IRF5: variants seen among roughly 807,000 people sequenced by gnomAD.
IRF5 encodes interferon regulatory factor 5.
IRF5 carries 24 observed loss-of-function variants against 55.1 expected under a neutral mutation model. The observed-to-expected ratio is 0.44, with a 90% CI of 0.32 to 0.61. The LOEUF (loss-of-function observed/expected upper bound fraction) is 0.61, where lower values mean the gene tolerates loss of function less well. Ranked by LOEUF, IRF5 falls within the 20% of genes least tolerant of loss-of-function variation. The probability of loss-of-function intolerance (pLI) is 0.07; values close to 1 mark genes in which losing one functional copy is unlikely to be tolerated. For missense variants in IRF5, 499 were observed against 658.5 expected (o/e 0.76, Z 2.65); for synonymous variants, 258 against 260.2 (o/e 0.99, Z 0.08).
chr7:128,942,081 C>A lies in IRF5; in HGVS notation c.-1C>A. The A allele has an allele frequency of 6.2e-7, 1 of 1,603,980 alleles. No individual in the cohort carries two copies. The highest frequency in any genetic ancestry group is 1.1e-5 in the South Asian group (1 of 89,758). ...GGCTTTCTCCTGCAGACCCCTCTGC[C>A]ATGAACCAGTCCATCCCAGTGGCTC... is the stretch of plus-strand genomic sequence containing the variant. On this transcript the variant is annotated 5_prime_UTR_variant, in exon 2 of 9. Coordinates refer to ENST00000357234, the MANE Select transcript of IRF5 (RefSeq NM_001098629.3).
chr7:128,947,964 C>T lies in IRF5; in HGVS notation c.1023C>T (p.Leu341=), dbSNP rs1185925365. 8.7e-6 allele frequency: 14 copies of T among 1,614,172 alleles called. No individual in the cohort carries two copies. The highest frequency in any genetic ancestry group is 1.2e-5 in the Non-Finnish European group (14 of 1,180,032). The change falls in exon 7 of 9, where the codon CTC becomes CTT. Residue 341 remains leucine, a synonymous_variant. Transcript: ENST00000357234. This position sits in a 1 kb window ranked among gnomAD's most constrained non-coding sequence, Gnocchi z 6.5. ...TGCTGGATGTCCTGGACCGCGGGCTCATCCTCCAGCTACAGGGCCAGGACC... is the reference window on the plus strand; with the variant it reads ...TGCTGGATGTCCTGGACCGCGGGCTTATCCTCCAGCTACAGGGCCAGGACC... The part of the protein sequence containing the change: ...NQLLDVLDRG[L]ILQLQGQDLY...
At position 128,948,476 on chromosome 7, in the gene IRF5, C is replaced by T. The variant is rs897272333; in HGVS notation, c.1300-97C>T. On this transcript the variant is annotated intron_variant, in intron 8 of 8. Transcript: ENST00000357234. This position sits in a 1 kb window ranked among gnomAD's most constrained non-coding sequence, Gnocchi z 4.6. ...CATCAAGGCTCAGAGCCGGAGAATG[C>T]GGTCTATTACTCACCCCTGATGGCT... 7.9e-6 allele frequency: 12 copies of T among 1,520,328 alleles called. No homozygotes were observed. Among genetic ancestry groups the T allele is most frequent in the Middle Eastern group, 1.8e-4 (1 of 5,704 alleles). 94.2% of individuals were successfully genotyped at this position (1,520,328 alleles called of 1,614,324 possible).
Position 128,948,153 on chromosome 7 carries a change from G to A in IRF5, c.1180+32G>A. 1 of 1,611,704 alleles carries A rather than the reference G, an allele frequency of 6.2e-7. No individual in the cohort carries two copies. The highest frequency in any genetic ancestry group is 8.5e-7 in the Non-Finnish European group (1 of 1,178,174). On this transcript the variant is annotated intron_variant, in intron 7 of 8. Coordinates refer to ENST00000357234, the MANE Select transcript of IRF5 (RefSeq NM_001098629.3). This position sits in a 1 kb window ranked among gnomAD's most constrained non-coding sequence, Gnocchi z 4.6. ...GCCCAAAGCTGTGATCCTCCTGGCT[G>A]CCTCTTGCCCAGGGCATGGTTCCAG...
chr7:128,946,428 C>T lies in IRF5; in HGVS notation c.386-73C>T, dbSNP rs80269234. The T allele has an allele frequency of 9.1e-3, 14,068 of 1,538,656 alleles. 1,047 individuals carry two copies. In the African/African-American group the frequency reaches 0.17, roughly 18 times the overall value. Reference sequence around the variant, plus strand: ...GAAGCTGCATAGGAGCTACAGGCAGCCTCTCAGGGGATCTTGCTTCTCCTC... The same window carrying T: ...GAAGCTGCATAGGAGCTACAGGCAGTCTCTCAGGGGATCTTGCTTCTCCTC... On this transcript the variant is annotated intron_variant, in intron 3 of 8. Transcript: ENST00000357234. The surrounding 1 kb of genome is among the most constrained non-coding windows in gnomAD (Gnocchi z 4.2).
rs1796348509 is a variant in IRF5, at chr7:128,947,150, G to A, written c.482-80G>A. ...AGGGGGCTGATGGGAGGCTAGGGTGGCCCAGGGCTGGGAGGAGGTGTGCCT... is the reference window on the plus strand; with the variant it reads ...AGGGGGCTGATGGGAGGCTAGGGTGACCCAGGGCTGGGAGGAGGTGTGCCT... On this transcript the variant is annotated intron_variant, in intron 5 of 8. Transcript: ENST00000357234. The surrounding 1 kb of genome is among the most constrained non-coding windows in gnomAD (Gnocchi z 6.5). 1 of 1,609,696 alleles carries A rather than the reference G, an allele frequency of 6.2e-7. No homozygotes were observed. The highest frequency in any genetic ancestry group is 8.5e-7 in the Non-Finnish European group (1 of 1,177,176).
rs1287246447 is a variant in IRF5 at position 128,949,830 on chromosome 7, TTC to T, written c.*1016_*1017del. The T allele has an allele frequency of 9.2e-5, 14 of 152,214 alleles. No homozygotes were observed. The highest frequency in any genetic ancestry group is 3.4e-4 in the African/African-American group (14 of 41,516). The allele number at this position is 152,214 out of a possible 1,614,324, so 9.4% of individuals were successfully genotyped here. On this transcript the variant is annotated 3_prime_UTR_variant, in exon 9 of 9. Transcript: ENST00000357234. ...CCCCGAGGTGGGGACAGTGAGTGAG[TTC>T]TCTTAGTCCCCCCAGAGCTGGTTGT...
rs1346593361 is a variant in IRF5, at chr7:128,946,529, T to C, written c.414T>C (p.Phe138=). Residue 138 remains phenylalanine (F), a synonymous_variant, in exon 4 of 9, where the codon TTT becomes TTC. Transcript: ENST00000357234. The surrounding 1 kb of genome is among the most constrained non-coding windows in gnomAD (Gnocchi z 4.2). Reference sequence around the variant, plus strand: ...CCCAGCCCCCTGAGGATTACTCTTTTGGTGCAGGAGAGGAGGAGGAAGAAG... The same window carrying C: ...CCCAGCCCCCTGAGGATTACTCTTTCGGTGCAGGAGAGGAGGAGGAAGAAG... ...TDSQPPEDYS[F]GAGEEEEEEE... is the part of the protein sequence containing the mutation. The C allele has an allele frequency of 3.7e-6, 6 of 1,608,246 alleles. No homozygotes were observed. In the African/African-American group the frequency reaches 8.0e-5, roughly 21 times the overall value.
chr7:128,944,266 G>T (rs866118266), intron 2 of IRF5, among the ~76,000 whole-genome samples: 2 of 152,248 alleles, frequency 1.3e-5, no homozygotes, highest in Middle Eastern at 6.8e-3. Context: ...AGATACTTGA[G>T]ATTGCTTTTA....
intron 1 of IRF5, 88 bp from the exon 2 acceptor site, chr7:128,941,983 C>T: frequency 1.0e-6 from 1 of 964,672 alleles, no homozygotes; most frequent in Non-Finnish European, 1.6e-6. Context: ...GAGAGACCAT[C>T]CTTTGTGGTC....
chr7:128,947,300 TC>T lies in IRF5; in HGVS notation c.553del (p.Leu185CysfsTer71). ...AAGAGGATGTCAAGTGGCCGCCCAC[TC>T]TGCAGCCGCCCACTCTGCGGCCGCC... ...LKEDVKWPPT[L>X]QPPTLRPPTL... On this transcript the variant is annotated frameshift_variant, in exon 6 of 9. Coordinates refer to ENST00000357234, the MANE Select transcript of IRF5 (RefSeq NM_001098629.3). LOFTEE classifies it high-confidence loss of function. The surrounding 1 kb of genome is among the most constrained non-coding windows in gnomAD (Gnocchi z 6.5). The T allele has an allele frequency of 2.4e-6, 1 of 414,008 alleles. No homozygotes were observed. The allele number at this position is 414,008 out of a possible 1,614,324, so 25.6% of individuals were successfully genotyped here.
chr7:128,939,560 C>A (rs1031198464), intron 1 of IRF5, among the ~76,000 whole-genome samples: 1 of 152,104 alleles, frequency 6.6e-6, no homozygotes, highest in Non-Finnish European at 1.5e-5. Context: ...CCAGACCAAC[C>A]CTGGGAGCAG....
At chr7:128,938,086 G>C (rs1307723540) in intron 1 of IRF5, 37 bp downstream of exon 1, 1 of 152,120 alleles carries the variant, frequency 6.6e-6, no homozygotes, top group East Asian at 1.9e-4. Flanking sequence ...CTCTGCGTCC[G>C]CGCCCGGCGC....
In IRF5 at chr7:128,947,194, G is replaced by A. The variant is rs772930583; in HGVS notation, c.482-36G>A. The A allele has an allele frequency of 2.5e-5, 40 of 1,598,884 alleles. No homozygotes were observed. Among genetic ancestry groups the A allele is most frequent in the South Asian group, 1.1e-5 (1 of 88,690 alleles). ...TGTGCCTGGGAGGCAGTTCGTGGAG[G>A]TGGCACTGACAGCCGTCCACACGCA... On this transcript the variant is annotated intron_variant, in intron 5 of 8. Transcript: ENST00000357234. The surrounding 1 kb of genome is among the most constrained non-coding windows in gnomAD (Gnocchi z 6.5).
At position 128,948,263 on chromosome 7, in the gene IRF5, T is replaced by A. The variant is rs576256045; in HGVS notation, c.1234T>A (p.Phe412Ile). The change falls in exon 8 of 9, where the codon TTC (phenylalanine) becomes ATC (isoleucine). Residue 412 changes from phenylalanine to isoleucine, a missense_variant. Physicochemically the swap from Phe to Ile is conservative, Grantham distance 21. Coordinates refer to ENST00000357234, the MANE Select transcript of IRF5 (RefSeq NM_001098629.3). The surrounding 1 kb of genome is among the most constrained non-coding windows in gnomAD (Gnocchi z 4.6). The part of the protein sequence containing the change: ...QTNTPPPFEI[F>I]FCFGEEWPDR... ...CAACACCCCACCACCCTTCGAGATC[T>A]TCTTCTGCTTTGGGGAAGAATGGCC... The A allele has an allele frequency of 4.3e-6, 7 of 1,613,856 alleles. No individual in the cohort carries two copies. The South Asian group carries it at 6.6e-5, about 15-fold the overall frequency.
At chr7:128,939,274 A>G (rs1223343916) in intron 1 of IRF5, among the ~76,000 whole-genome samples, 2 of 152,140 alleles carry the variant, frequency 1.3e-5, no homozygotes, top group African/African-American at 4.8e-5. Flanking sequence ...CAAGGGAAGC[A>G]CTGGGAAATC....
At position 128,948,207 on chromosome 7, in the gene IRF5, C is replaced by T. The variant is rs1489788146; in HGVS notation, c.1181-3C>T. The T allele has an allele frequency of 1.2e-6, 2 of 1,612,096 alleles. No homozygotes were observed. The highest frequency in any genetic ancestry group is 2.2e-5 in the East Asian group (1 of 44,880). On this transcript the variant is annotated splice_polypyrimidine_tract_variant and splice_region_variant and intron_variant, in intron 7 of 8. Coordinates refer to ENST00000357234, the MANE Select transcript of IRF5 (RefSeq NM_001098629.3). The surrounding 1 kb of genome is among the most constrained non-coding windows in gnomAD (Gnocchi z 4.6). ...CTGACTAGGGACCTTGATTTTGATG[C>T]AGAGCTCATCCTGTTCCAAAAGGGC...
intron 1 of IRF5, among the ~76,000 whole-genome samples, chr7:128,938,724 C>T (rs567028123): frequency 6.6e-6 from 1 of 152,264 alleles, no homozygotes; most frequent in Non-Finnish European, 1.5e-5. Context: ...GGGCTGGTTT[C>T]CTCAGGTCCT....
chr7:128,939,151 C>G (rs1171047547), intron 1 of IRF5, among the ~76,000 whole-genome samples: 1 of 151,930 alleles, frequency 6.6e-6, no homozygotes, highest in Admixed American at 6.6e-5. Flanking sequence ...TCGGCTGTAT[C>G]GATGTAGGAA....
rs1796490698 is a variant in IRF5 at position 128,949,068 on chromosome 7, C to T, written c.*250C>T. ...AATTCAGCCATGAGCAGGGAAAGAA[C>T]TCTCCCAACCCTGGGGCCTAGCTGT... On this transcript the variant is annotated 3_prime_UTR_variant, in exon 9 of 9. Transcript: ENST00000357234. 5.7e-6 allele frequency: 3 copies of T among 530,252 alleles called. No homozygotes were observed. Among genetic ancestry groups the T allele is most frequent in the Non-Finnish European group, 1.0e-5 (3 of 295,376 alleles). 32.8% of individuals were successfully genotyped at this position (530,252 alleles called of 1,614,324 possible).
Sources: allele counts gnomAD v4.1 joint callset (sites outside exome capture counted in the v4.1 genomes callset), GRCh38; gene constraint gnomAD v4.1.1; non-coding constraint Gnocchi (gnomAD v3.1); transcripts MANE v1.5; gene names NCBI Gene and HGNC (gene_info 2026-07-23, HGNC 2026-07-21).